L3MBTL4: variants seen among roughly 807,000 people sequenced by gnomAD.
The protein encoded by L3MBTL4 is L3MBTL histone methyl-lysine binding protein 4, also known as lethal(3)malignant brain tumor-like protein 4.
Under a neutral mutation model 84.5 loss-of-function variants are expected in L3MBTL4, and 70 were observed. The observed-to-expected ratio is 0.83, with a 90% CI of 0.68 to 1.01. The LOEUF is 1.01. Ranked by LOEUF, L3MBTL4 falls within the 50% of genes least tolerant of loss-of-function variation. The pLI is 0.00. For missense variants in L3MBTL4, 715 were observed against 754.8 expected (o/e 0.95, Z 0.62); for synonymous variants, 274 against 259.8 (o/e 1.05, Z -0.52).
rs745852553 is a variant in L3MBTL4 at position 6,244,487 on chromosome 18, C to T, written c.321G>A (p.Ala107=). Residue 107 remains alanine, a synonymous_variant, in exon 6 of 19, where the codon GCG becomes GCA. Transcript: ENST00000317931. Reference sequence around the variant, plus strand: ...AGACAGTAACACCACCTCTTACCTCCGCTACAGAAAGCACACAGAATACCG... The same window carrying T: ...AGACAGTAACACCACCTCTTACCTCTGCTACAGAAAGCACACAGAATACCG... ...HPSVFCVLSV[A]EVCGYRLRLH... is the part of the protein sequence containing the mutation. 2.6e-5 allele frequency: 42 copies of T among 1,604,492 alleles called. No homozygotes were observed. The highest frequency in any genetic ancestry group is 5.4e-5 in the African/African-American group (4 of 74,728).
intron 14 of L3MBTL4, among the ~76,000 whole-genome samples, chr18:6,131,686 A>C (rs1263048332): frequency 6.6e-6 from 1 of 152,230 alleles, no homozygotes; most frequent in Non-Finnish European, 1.5e-5. Flanking sequence ...TAAAAGAACA[A>C]AATGTATAAT....
intron 13 of L3MBTL4, among the ~76,000 whole-genome samples, chr18:6,142,511 G>A (rs149392482): frequency 4.6e-4 from 70 of 152,290 alleles, no homozygotes; most frequent in Non-Finnish European, 9.3e-4. Flanking sequence ...ATGACTTTGT[G>A]AAACACATTG....
rs771486481 is a variant in L3MBTL4, at chr18:6,069,868, T to G, written c.1444+11013A>C. Among the ~76,000 whole-genome samples the G allele has an allele frequency of 1.8e-4, 28 of 152,194 alleles. 1 individual carries two copies. Among genetic ancestry groups the G allele is most frequent in the Admixed American group, 2.6e-4 (4 of 15,280 alleles). Reference sequence around the variant, plus strand: ...ATTTTACTCAAGAACTAAGGTCTATTAAAATCATACATAGGTAAATTGCTA... The same window carrying G: ...ATTTTACTCAAGAACTAAGGTCTATGAAAATCATACATAGGTAAATTGCTA... On this transcript the variant is annotated intron_variant, in intron 16 of 18. Transcript: ENST00000317931.
intron 12 of L3MBTL4, among the ~76,000 whole-genome samples, 195 bp from the exon 13 acceptor site, chr18:6,172,137 T>C (rs936964941): frequency 2.0e-5 from 3 of 152,190 alleles, no homozygotes; most frequent in Non-Finnish European, 4.4e-5. Context: ...TACCAAATTT[T>C]CAAAGAAATT....
At chr18:6,239,665 C>G (rs999944222) in intron 9 of L3MBTL4, 53 bp downstream of exon 9, 1 of 1,571,698 alleles carries the variant, frequency 6.4e-7, no homozygotes, top group Non-Finnish European at 8.7e-7. Context: ...AAAACAAATT[C>G]TTAACATCAA....
At chr18:6,101,357 C>T (rs1030286151) in intron 14 of L3MBTL4, among the ~76,000 whole-genome samples, 1 of 152,130 alleles carries the variant, frequency 6.6e-6, no homozygotes, top group Non-Finnish European at 1.5e-5. Context: ...TGTATAATGT[C>T]CAGGTTTGCG....
chr18:6,008,418 T>C (rs1005219552), intron 16 of L3MBTL4, among the ~76,000 whole-genome samples: 3 of 152,156 alleles, frequency 2.0e-5, no homozygotes, highest in Admixed American at 2.0e-4. Context: ...GTGTCTTAAT[T>C]TGGGCTACAA....
chr18:6,129,772 G>C (rs1483273508), intron 14 of L3MBTL4, among the ~76,000 whole-genome samples: 1 of 152,134 alleles, frequency 6.6e-6, no homozygotes, highest in African/African-American at 2.4e-5. Context: ...TAGGTCTGAT[G>C]TTTTGTTTTG....
chr18:6,348,683 A>G (rs2053038999), intron 1 of L3MBTL4, among the ~76,000 whole-genome samples: 1 of 152,214 alleles, frequency 6.6e-6, no homozygotes, highest in African/African-American at 2.4e-5. Flanking sequence ...GGTACCAACC[A>G]AAAAATAAAA....
chr18:6,383,544 C>T (rs1025757306), intron 1 of L3MBTL4, among the ~76,000 whole-genome samples: 4 of 152,178 alleles, frequency 2.6e-5, no homozygotes, highest in Non-Finnish European at 4.4e-5. Context: ...TCCCTCATGG[C>T]TTCCCTTGGG....
chr18:6,277,351 G>A (rs1325010988), intron 4 of L3MBTL4, among the ~76,000 whole-genome samples: 1 of 152,128 alleles, frequency 6.6e-6, no homozygotes, highest in Middle Eastern at 3.4e-3. Context: ...TTTTTACACG[G>A]AAAAAGGCCA....
chr18:6,050,655 G>T (rs1364781440), intron 16 of L3MBTL4, among the ~76,000 whole-genome samples: 1 of 152,008 alleles, frequency 6.6e-6, no homozygotes, highest in African/African-American at 2.4e-5. Flanking sequence ...ATAAAATTCA[G>T]TAGCTCCATG....
intron 12 of L3MBTL4, among the ~76,000 whole-genome samples, chr18:6,193,533 C>G (rs564124961): frequency 1.3e-5 from 2 of 152,330 alleles, no homozygotes; most frequent in South Asian, 4.1e-4. Flanking sequence ...TGAAGAGAAC[C>G]TTCAGAAAAG....
At chr18:6,413,779 TC>T (rs2056069378) in intron 1 of L3MBTL4, among the ~76,000 whole-genome samples, 1 of 152,128 alleles carries the variant, frequency 6.6e-6, no homozygotes, top group Non-Finnish European at 1.5e-5. Context: ...CCAGCTGCCT[TC>T]CTCTGACTGT....
At chr18:6,306,445 T>C (rs188678263) in intron 3 of L3MBTL4, among the ~76,000 whole-genome samples, 15 of 152,290 alleles carry the variant, frequency 9.8e-5, no homozygotes, top group African/African-American at 3.6e-4. Flanking sequence ...ATACATGAAT[T>C]TTACTGACTG....
In L3MBTL4 at chr18:6,353,315, A is replaced by C. The variant is rs1451910660; in HGVS notation, c.-90-41259T>G. ...AAAAAATGCTTATTTGCTGCTCATCACTTATATAATATTCTACTCATCAAT... is the reference window on the plus strand; with the variant it reads ...AAAAAATGCTTATTTGCTGCTCATCCCTTATATAATATTCTACTCATCAAT... On this transcript the variant is annotated intron_variant, in intron 1 of 18. Transcript: ENST00000317931. 3.9e-5 allele frequency among the ~76,000 whole-genome samples: 6 copies of C among 152,074 alleles called. No homozygotes were observed. In the East Asian group the frequency reaches 1.2e-3, roughly 29 times the overall value.
At chr18:6,069,330 G>T (rs1224680450) in intron 16 of L3MBTL4, among the ~76,000 whole-genome samples, 1 of 152,186 alleles carries the variant, frequency 6.6e-6, no homozygotes, top group Non-Finnish European at 1.5e-5. Context: ...AATGGACTGT[G>T]TTGGATGGCC....
At chr18:6,269,899 T>C (rs1374940143) in intron 4 of L3MBTL4, among the ~76,000 whole-genome samples, 2 of 152,154 alleles carry the variant, frequency 1.3e-5, no homozygotes, top group African/African-American at 2.4e-5. Flanking sequence ...GAACCCAAAA[T>C]GCAAATGGCA....
At chr18:6,387,027 A>G (rs1015582261) in intron 1 of L3MBTL4, among the ~76,000 whole-genome samples, 21 of 152,334 alleles carry the variant, frequency 1.4e-4, no homozygotes, top group Admixed American at 6.5e-4. Flanking sequence ...AGAATGAGCC[A>G]GAATCCAGAT....
Sources: allele counts gnomAD v4.1 joint callset (sites outside exome capture counted in the v4.1 genomes callset), GRCh38; gene constraint gnomAD v4.1.1; transcripts MANE v1.5; gene names NCBI Gene and HGNC (gene_info 2026-07-23, HGNC 2026-07-21).